Variants in BFSP1 observed in about 807,000 individuals in gnomAD.
The protein encoded by BFSP1 is beaded filament structural protein 1, also known as filensin.
In BFSP1, 38 loss-of-function variants were observed where a neutral mutation model predicts 43.9. The observed-to-expected ratio is 0.87, with a 90% CI of 0.67 to 1.14. The LOEUF (loss-of-function observed/expected upper bound fraction) is 1.14, where lower values mean the gene tolerates loss of function less well. Ranked by LOEUF, BFSP1 falls within the 50% of genes most tolerant of loss-of-function variation. The pLI, the probability that BFSP1 is intolerant of heterozygous loss-of-function variation, is 0.00. For synonymous variants in BFSP1, 352 were observed against 354.8 expected (o/e 0.99, Z 0.09); for missense variants, 850 against 875.1 (o/e 0.97, Z 0.36).
rs543434097 is a variant in BFSP1 at position 17,544,504 on chromosome 20, T to C, written c.2+14184A>G. Among the ~76,000 whole-genome samples, 27 of 152,350 alleles carry C rather than the reference T, an allele frequency of 1.8e-4. 1 individual carries two copies. In the South Asian group the frequency reaches 5.6e-3, roughly 32 times the overall value. ...TAGCTGAAGTACCTCTACATAGTTATTTTAATAGATCAGCTCTCTAGAGAT... is the reference window on the plus strand; with the variant it reads ...TAGCTGAAGTACCTCTACATAGTTACTTTAATAGATCAGCTCTCTAGAGAT... On this transcript the variant is annotated intron_variant, in intron 1 of 7. Coordinates refer to the BFSP1 transcript ENST00000377868.
upstream of BFSP1, among the ~76,000 whole-genome samples, chr20:17,532,436 G>T (rs532362507): frequency 3.3e-5 from 5 of 150,276 alleles, no homozygotes; most frequent in Non-Finnish European, 5.9e-5. Flanking sequence ...AAGAAAAAAA[G>T]ATTGCTTTTT....
upstream of BFSP1, chr20:17,531,509 G>C (rs904016466): frequency 7.1e-5 from 67 of 949,750 alleles, no homozygotes; most frequent in Non-Finnish European, 8.8e-5. Flanking sequence ...AAGAGCAGCG[G>C]CCCGCTTTGT....
chr20:17,538,858 TTCTC>T (rs1479140680), intron 1 of BFSP1, among the ~76,000 whole-genome samples: 3 of 152,152 alleles, frequency 2.0e-5, no homozygotes, highest in Non-Finnish European at 4.4e-5. Context: ...TGCCCTATAT[TTCTC>T]TCTAAGATAT....
chr20:17,563,889 A>G (rs867240299), upstream of BFSP1, among the ~76,000 whole-genome samples: 3,586 of 149,598 alleles, frequency 0.024, 53 homozygotes, highest in South Asian at 0.033. Flanking sequence ...CGTGTCTAAA[A>G]AAAAAAAAAA....
At position 17,507,255 on chromosome 20, in the gene BFSP1, T is replaced by C. The variant is rs149999450; in HGVS notation, c.735+1634A>G. On this transcript the variant is annotated intron_variant, in intron 5 of 7. Transcript: ENST00000377873. This position sits in a 1 kb window ranked among gnomAD's most constrained non-coding sequence, Gnocchi z 4.4. Reference sequence around the variant, plus strand: ...AAACCACATTTCTCATTGCGAGCCATACACATCAGATAGGTAGGTGTGTGT... The same window carrying C: ...AAACCACATTTCTCATTGCGAGCCACACACATCAGATAGGTAGGTGTGTGT... Among the ~76,000 whole-genome samples, 7 of 149,676 alleles carry C rather than the reference T, an allele frequency of 4.7e-5. No homozygotes were observed. The East Asian group carries it at 1.4e-3, about 29-fold the overall frequency.
chr20:17,567,156 A>G (rs1377248016), intron 1 of BFSP1, among the ~76,000 whole-genome samples: 4 of 152,206 alleles, frequency 2.6e-5, no homozygotes, highest in East Asian at 3.8e-4. Context: ...AATGTCTAGA[A>G]AAGCTGGGTG....
At chr20:17,534,690 T>G (rs1026707761), upstream of BFSP1, among the ~76,000 whole-genome samples, 1 of 152,184 alleles carries the variant, frequency 6.6e-6, no homozygotes, top group Non-Finnish European at 1.5e-5. Flanking sequence ...ATGAAAATGT[T>G]CCAGATTAAA....
chr20:17,514,629 A>G lies in BFSP1; in HGVS notation c.534+92T>C, dbSNP rs899053217. The stretch of plus-strand genomic sequence containing the variant: ...AAAACGCACAAAGGTATGCCACTCT[A>G]GCAGTCTGTTTTCAGCCACAGTACC... On this transcript the variant is annotated intron_variant, in intron 3 of 7. Coordinates refer to ENST00000377873, the MANE Select transcript of BFSP1 (RefSeq NM_001195.5). The G allele has an allele frequency of 1.2e-5, 15 of 1,251,082 alleles. No individual in the cohort carries two copies. The African/African-American group carries it at 1.9e-4, about 16-fold the overall frequency. 77.5% of individuals were successfully genotyped at this position (1,251,082 alleles called of 1,614,324 possible).
intron 4 of BFSP1, among the ~76,000 whole-genome samples, chr20:17,509,252 C>T (rs2034018637): frequency 6.8e-6 from 1 of 147,890 alleles, no homozygotes; most frequent in African/African-American, 2.6e-5. Flanking sequence ...GCCCCCACCC[C>T]CACCCCCTGT....
intron 2 of BFSP1, among the ~76,000 whole-genome samples, chr20:17,516,648 G>A (rs2034207344): frequency 6.6e-6 from 1 of 152,152 alleles, no homozygotes; most frequent in African/African-American, 2.4e-5. Flanking sequence ...TTAGCAAGAT[G>A]GTAAGGGAGT....
At chr20:17,505,803 C>G (rs2033922215) in intron 5 of BFSP1, among the ~76,000 whole-genome samples, 1 of 152,176 alleles carries the variant, frequency 6.6e-6, no homozygotes, top group South Asian at 2.1e-4. Flanking sequence ...CATGCAGCAT[C>G]CCGGGCCACA....
chr20:17,555,288 CAAAAAAAAAA>C, intron 1 of BFSP1, among the ~76,000 whole-genome samples: 1 of 44,122 alleles, frequency 2.3e-5, no homozygotes, highest in South Asian at 8.5e-4. Flanking sequence ...TCCTATCTCA[CAAAAAAAAAA>C]AAAAAAAAAA....
intron 2 of BFSP1, among the ~76,000 whole-genome samples, chr20:17,520,573 G>C (rs987992060): frequency 5.3e-5 from 8 of 152,206 alleles, no homozygotes; most frequent in African/African-American, 1.7e-4. Context: ...TGTTCTTCCA[G>C]GTGCTAATGT....
At chr20:17,561,956 T>C (rs2035070577), upstream of BFSP1, among the ~76,000 whole-genome samples, 7 of 152,170 alleles carry the variant, frequency 4.6e-5, no homozygotes, top group South Asian at 1.5e-3. Flanking sequence ...AGTCTTACAC[T>C]GTCACCCAGG....
intron 4 of BFSP1, among the ~76,000 whole-genome samples, chr20:17,509,323 C>T (rs974327635): frequency 1.3e-5 from 2 of 151,222 alleles, no homozygotes; most frequent in African/African-American, 4.9e-5. Flanking sequence ...AGAGAGCCCT[C>T]ACCAGACACC....
chr20:17,540,782 A>T (rs573352916), intron 1 of BFSP1, among the ~76,000 whole-genome samples: 2 of 151,278 alleles, frequency 1.3e-5, no homozygotes, highest in African/African-American at 4.9e-5. Flanking sequence ...GATCAAAAAG[A>T]CTCCCTTCCT....
At position 17,494,743 on chromosome 20, in the gene BFSP1, T is replaced by C. The variant is rs1327389713; in HGVS notation, c.1329A>G (p.Lys443=). Residue 443 remains lysine (K), a synonymous_variant, in exon 8 of 8, where the codon AAA becomes AAG. Transcript: ENST00000377873. The part of the protein sequence containing the change: ...DGGQISKGFG[K]LYRKVKEKVR... The stretch of plus-strand genomic sequence containing the variant: ...CTTTCTCCTTGACCTTCCTGTATAG[T>C]TTCCCAAAGCCTTTGCTTATCTGCC... 1 of 1,614,154 alleles carries C rather than the reference T, an allele frequency of 6.2e-7. No homozygotes were observed. The highest frequency in any genetic ancestry group is 2.2e-5 in the East Asian group (1 of 44,862).
At chr20:17,560,405 C>G (rs1421369877), upstream of BFSP1, 1 of 152,232 alleles carries the variant, frequency 6.6e-6, no homozygotes, top group Non-Finnish European at 1.5e-5. Context: ...GTAACATCTC[C>G]CTGGTGTGAT....
chr20:17,495,294 C>T (rs1226709244), intron 7 of BFSP1, among the ~76,000 whole-genome samples: 1 of 152,146 alleles, frequency 6.6e-6, no homozygotes, highest in Non-Finnish European at 1.5e-5. Flanking sequence ...GTTCTGACAC[C>T]CACAGTTCAC....
Sources: gnomAD v4.1 joint callset for allele counts (sites outside exome capture counted in the v4.1 genomes callset) on GRCh38, gnomAD v4.1.1 for gene constraint, Gnocchi (gnomAD v3.1) non-coding constraint, MANE v1.5 for transcripts, NCBI Gene and HGNC (gene_info 2026-07-23, HGNC 2026-07-21) for gene names.